The following SNTG2 variants were observed in gnomAD, a reference collection of about 807,000 sequenced individuals.
SNTG2 encodes gamma-2-syntrophin.
Under a neutral mutation model 70.9 loss-of-function variants are expected in SNTG2, and 74 were observed. That is an observed-to-expected ratio of 1.04 (90% CI 0.86 to 1.27). The LOEUF (loss-of-function observed/expected upper bound fraction) is 1.27, where lower values mean the gene tolerates loss of function less well. Ranked by LOEUF, SNTG2 falls within the 50% of genes most tolerant of loss-of-function variation. The pLI is 0.00. For missense variants in SNTG2, 717 were observed against 690.7 expected, an observed-to-expected ratio of 1.04 and a Z score of -0.43; for synonymous variants, 278 against 273.8, an observed-to-expected ratio of 1.02 and a Z score of -0.15.
intron 1 of SNTG2, among the ~76,000 whole-genome samples, chr2:1,017,059 C>A (rs1271717316): frequency 6.6e-6 from 1 of 152,090 alleles, no homozygotes; most frequent in Non-Finnish European, 1.5e-5. Flanking sequence ...GCTGGTTCAG[C>A]TGCTACAGAA....
At chr2:1,203,043 C>T (rs1673376670) in intron 8 of SNTG2, among the ~76,000 whole-genome samples, 1 of 152,132 alleles carries the variant, frequency 6.6e-6, no homozygotes, top group Admixed American at 6.5e-5. Context: ...AGAAGAACTA[C>T]ACTACCTTAT....
intron 2 of SNTG2, among the ~76,000 whole-genome samples, chr2:1,085,665 A>G (rs1323574349): frequency 6.6e-6 from 1 of 152,264 alleles, no homozygotes; most frequent in African/African-American, 2.4e-5. Flanking sequence ...TGTATCCAGC[A>G]GTGCAGAATC....
At chr2:1,166,118 C>A (rs1464551804) in intron 7 of SNTG2, among the ~76,000 whole-genome samples, 1 of 152,194 alleles carries the variant, frequency 6.6e-6, no homozygotes, top group Non-Finnish European at 1.5e-5. Flanking sequence ...AACCCTAAAT[C>A]TAGAAAAATG....
At chr2:1,246,739 T>TAATG (rs1677454337) in intron 11 of SNTG2, among the ~76,000 whole-genome samples, 3 of 152,268 alleles carry the variant, frequency 2.0e-5, no homozygotes, top group East Asian at 3.9e-4. Context: ...TAGATTGAAT[T>TAATG]CACTGAATTC....
intron 13 of SNTG2, among the ~76,000 whole-genome samples, chr2:1,267,139 A>G (rs1324661606): frequency 6.6e-6 from 1 of 152,208 alleles, no homozygotes; most frequent in Non-Finnish European, 1.5e-5. Context: ...AGGCACTTAC[A>G]GAGAATTAAG....
intron 14 of SNTG2, among the ~76,000 whole-genome samples, chr2:1,294,803 T>C (rs146461092): frequency 2.0e-5 from 3 of 152,328 alleles, no homozygotes; most frequent in Admixed American, 1.3e-4. Context: ...CTCAGGTATA[T>C]GAGGGAAGTG....
chr2:1,221,963 CTCTG>C (rs1675049565), intron 9 of SNTG2, among the ~76,000 whole-genome samples: 1 of 26,128 alleles, frequency 3.8e-5, no homozygotes, highest in Non-Finnish European at 6.6e-5. Context: ...CTCTGTCTCT[CTCTG>C]TCTCTGTCTC....
intron 1 of SNTG2, among the ~76,000 whole-genome samples, chr2:1,037,242 G>C (rs1258865109): frequency 6.6e-6 from 1 of 152,182 alleles, no homozygotes; most frequent in Non-Finnish European, 1.5e-5. Flanking sequence ...ACCATGTCTG[G>C]GTCCTTTGGG....
At chr2:1,143,227 A>G (rs1668869798) in intron 6 of SNTG2, among the ~76,000 whole-genome samples, 1 of 152,174 alleles carries the variant, frequency 6.6e-6, no homozygotes, top group Non-Finnish European at 1.5e-5. Context: ...TTACTCAGCC[A>G]CCTGCAAAAT....
chr2:1,145,792 C>T (rs1389877420), intron 6 of SNTG2, among the ~76,000 whole-genome samples: 2 of 152,046 alleles, frequency 1.3e-5, no homozygotes, highest in Non-Finnish European at 2.9e-5. Context: ...AACATAGATG[C>T]AAAAAATCCT....
chr2:1,087,693 T>C (rs1664772625), intron 2 of SNTG2, among the ~76,000 whole-genome samples: 2 of 152,242 alleles, frequency 1.3e-5, no homozygotes, highest in African/African-American at 4.8e-5. Context: ...GGTAATGTAC[T>C]AATCGAGTCA....
chr2:1,181,818 T>A (rs1671920267), intron 8 of SNTG2, among the ~76,000 whole-genome samples: 1 of 152,200 alleles, frequency 6.6e-6, no homozygotes, highest in African/African-American at 2.4e-5. Flanking sequence ...TCCCAGCACC[T>A]GAGTATGGTT....
At chr2:1,059,181 G>A (rs1662652035) in intron 1 of SNTG2, 1 of 152,224 alleles carries the variant, frequency 6.6e-6, no homozygotes, top group Non-Finnish European at 1.5e-5. Context: ...TTACGAGACT[G>A]AGGAAAGTGT....
At chr2:1,266,610 G>C (rs183692205) in intron 13 of SNTG2, among the ~76,000 whole-genome samples, 1 of 152,038 alleles carries the variant, frequency 6.6e-6, no homozygotes, top group Admixed American at 6.6e-5. Flanking sequence ...CAATGAACCC[G>C]CAAGGAGAGG....
chr2:1,220,771 G>C (rs985593674), intron 9 of SNTG2, among the ~76,000 whole-genome samples: 24 of 152,350 alleles, frequency 1.6e-4, no homozygotes, highest in Admixed American at 6.5e-4. Context: ...AAGATCTGGA[G>C]GTCCTTAAGT....
At chr2:1,359,155 C>G (rs1159261397) in intron 16 of SNTG2, among the ~76,000 whole-genome samples, 2 of 151,982 alleles carry the variant, frequency 1.3e-5, no homozygotes, top group East Asian at 3.9e-4. Context: ...TTCATATATA[C>G]CAAATACACA....
intron 1 of SNTG2, among the ~76,000 whole-genome samples, chr2:1,017,734 G>A (rs544837951): frequency 3.3e-5 from 5 of 152,196 alleles, no homozygotes; most frequent in Non-Finnish European, 7.3e-5. Flanking sequence ...AATTTACTTG[G>A]TTTCTGATCA....
chr2:1,043,885 T>C (rs749403853), intron 1 of SNTG2, among the ~76,000 whole-genome samples: 6 of 152,244 alleles, frequency 3.9e-5, no homozygotes, highest in Non-Finnish European at 8.8e-5. Context: ...ACAATTGATT[T>C]GGCTATTTAG....
At chr2:1,247,837 G>A (rs925030341) in intron 12 of SNTG2, among the ~76,000 whole-genome samples, 3 of 151,918 alleles carry the variant, frequency 2.0e-5, no homozygotes, top group African/African-American at 4.8e-5. Context: ...TTTTATTCCC[G>A]GATGTCTCCC....
Sources: allele counts gnomAD v4.1 joint callset (sites outside exome capture counted in the v4.1 genomes callset), GRCh38; gene constraint gnomAD v4.1.1; transcripts MANE v1.5; gene names NCBI Gene and HGNC (gene_info 2026-07-23, HGNC 2026-07-21).